KL: variants seen among roughly 807,000 people sequenced by gnomAD.
KL encodes the protein alpha-klotho.
KL carries 62 observed loss-of-function variants against 84.2 expected under a neutral mutation model. That is an observed-to-expected ratio of 0.74 (90% CI 0.60 to 0.91). The LOEUF (loss-of-function observed/expected upper bound fraction) is 0.91. Ranked by LOEUF, KL falls within the 40% of genes least tolerant of loss-of-function variation. The pLI is 0.00. For synonymous variants in KL, 528 were observed against 528.0 expected (o/e 1.00, Z 0.00); for missense variants, 1,261 against 1,305.7 (o/e 0.97, Z 0.53).
At chr13:33,025,437 C>T (rs1870734349) in intron 1 of KL, among the ~76,000 whole-genome samples, 1 of 152,158 alleles carries the variant, frequency 6.6e-6, no homozygotes, top group African/African-American at 2.4e-5. Flanking sequence ...AGGTAGTGGG[C>T]CCTGCTGCTG....
intron 1 of KL, among the ~76,000 whole-genome samples, chr13:33,020,408 A>G (rs1413459268): frequency 6.6e-6 from 1 of 151,566 alleles, no homozygotes; most frequent in African/African-American, 2.4e-5. Flanking sequence ...GTCTAGATTC[A>G]CTCCAGGCCA....
At chr13:33,033,379 G>T (rs1871041693) in intron 1 of KL, among the ~76,000 whole-genome samples, 1 of 152,120 alleles carries the variant, frequency 6.6e-6, no homozygotes, top group Admixed American at 6.5e-5. Flanking sequence ...TCGTCACAGG[G>T]GATCAAGCAG....
chr13:33,065,345 C>T lies in KL; in HGVS notation c.*1159C>T, dbSNP rs758254932. ...GAACTAGTTTTACTTTGAACTTTCA[C>T]GCTGAAACATGCTAGTGATATCTAG... On this transcript the variant is annotated 3_prime_UTR_variant, in exon 5 of 5. Coordinates refer to ENST00000380099, the MANE Select transcript of KL (RefSeq NM_004795.4). 2.8e-4 allele frequency: 58 copies of T among 207,202 alleles called. No homozygotes were observed. The highest frequency in any genetic ancestry group is 5.0e-4 in the Non-Finnish European group (51 of 101,394). The allele number at this position is 207,202 out of a possible 1,614,324, so 12.8% of individuals were successfully genotyped here. A position where few individuals can be genotyped will look rare whatever the true frequency, so the allele number is the denominator to read the frequency against.
chr13:33,039,066 G>A (rs9526992), intron 1 of KL, among the ~76,000 whole-genome samples: 26,472 of 152,046 alleles, frequency 0.17, 2,489 homozygotes, highest in African/African-American at 0.24. Context: ...TGTCTTATGT[G>A]TATTTATTTT....
Position 33,016,492 on chromosome 13 carries a change from T to A in KL, c.52T>A (p.Ser18Thr), listed in dbSNP as rs1870332472. Residue 18 changes from serine to threonine, a missense_variant, in exon 1 of 5, where the codon TCG (serine) becomes ACG (threonine). Transcript: ENST00000380099. ...RRPRPPPPSL[S>T]LLLVLLGLGG... Reference sequence around the variant, plus strand: ...CCCGCGGCCGCCGCCGCCGTCGCTGTCGCTGCTGCTGGTGCTGCTGGGCCT... The same window carrying A: ...CCCGCGGCCGCCGCCGCCGTCGCTGACGCTGCTGCTGGTGCTGCTGGGCCT... The A allele has an allele frequency of 1.7e-6, 2 of 1,201,066 alleles. No homozygotes were observed. Among genetic ancestry groups the A allele is most frequent in the Admixed American group, 4.5e-5 (1 of 22,380 alleles). The allele number at this position is 1,201,066 out of a possible 1,614,324, so 74.4% of individuals were successfully genotyped here.
chr13:33,051,333 A>G (rs1243859528), intron 1 of KL, among the ~76,000 whole-genome samples: 2 of 152,184 alleles, frequency 1.3e-5, no homozygotes. Flanking sequence ...TGAGCCCAGG[A>G]GTTTAAGACC....
intron 1 of KL, among the ~76,000 whole-genome samples, chr13:33,027,341 C>A (rs954159690): frequency 6.6e-6 from 1 of 152,180 alleles, no homozygotes; most frequent in East Asian, 1.9e-4. Context: ...CTATCTCTTA[C>A]TAGGGAAGAA....
chr13:33,060,227 G>T (rs1302090137), intron 3 of KL, among the ~76,000 whole-genome samples: 1 of 152,158 alleles, frequency 6.6e-6, no homozygotes, highest in Non-Finnish European at 1.5e-5. Context: ...TTATAGGCAT[G>T]AGCCACCGCA....
intron 1 of KL, among the ~76,000 whole-genome samples, chr13:33,048,824 A>G (rs1309226283): frequency 2.0e-5 from 3 of 152,226 alleles, no homozygotes; most frequent in Non-Finnish European, 4.4e-5. Flanking sequence ...TGTGGGGGAT[A>G]CGTATAGGCA....
chr13:33,035,414 T>A (rs1871119740), intron 1 of KL, among the ~76,000 whole-genome samples: 1 of 152,218 alleles, frequency 6.6e-6, no homozygotes, highest in African/African-American at 2.4e-5. Flanking sequence ...GAGGAAAAAC[T>A]GCTTGTCTCA....
At chr13:33,061,806 T>C in intron 4 of KL, 26 bp downstream of exon 4, 1 of 1,607,588 alleles carries the variant, frequency 6.2e-7, no homozygotes, top group Non-Finnish European at 8.5e-7. Context: ...TGCGGCTATC[T>C]CCTGAAGGTT....
upstream of KL, chr13:33,016,363 CGGTGGG>C: frequency 6.2e-6 from 1 of 160,132 alleles, no homozygotes; most frequent in Non-Finnish European, 1.3e-5. Context: ...GGCGCGCCGG[CGGTGGG>C]CGGGCGGGCG....
chr13:33,045,742 G>A (rs1871504415), intron 1 of KL, among the ~76,000 whole-genome samples: 1 of 152,150 alleles, frequency 6.6e-6, no homozygotes, highest in Non-Finnish European at 1.5e-5. Context: ...GCCTCCCAAA[G>A]TGCTGGGATT....
intron 3 of KL, among the ~76,000 whole-genome samples, chr13:33,058,501 C>T (rs867351719): frequency 3.3e-5 from 5 of 151,894 alleles, no homozygotes; most frequent in East Asian, 3.9e-4. Context: ...CCACCGCACC[C>T]GGCTAATTTT....
chr13:33,064,318 T>G lies in KL; in HGVS notation c.*132T>G, dbSNP rs1328638192. On this transcript the variant is annotated 3_prime_UTR_variant, in exon 5 of 5. Coordinates refer to ENST00000380099, the MANE Select transcript of KL (RefSeq NM_004795.4). Reference sequence around the variant, plus strand: ...GACTTCTAGAAAACATTTTTGTGGCTTATGACAGAGGTTTTGAAATGGGCA... The same window carrying G: ...GACTTCTAGAAAACATTTTTGTGGCGTATGACAGAGGTTTTGAAATGGGCA... 1.4e-6 allele frequency: 1 copy of G among 711,138 alleles called. No individual in the cohort carries two copies. The highest frequency in any genetic ancestry group is 2.7e-5 in the East Asian group (1 of 36,956). 44.1% of individuals were successfully genotyped at this position (711,138 alleles called of 1,614,324 possible).
In KL at chr13:33,064,994, C is replaced by A. The variant is rs989045838; in HGVS notation, c.*808C>A. ...TAAAGCAATTGTGAAATACAGTATA[C>A]CGCAGTGGCTCTAGGTGGAGGAAAG... On this transcript the variant is annotated 3_prime_UTR_variant, in exon 5 of 5. Coordinates refer to ENST00000380099, the MANE Select transcript of KL (RefSeq NM_004795.4). 1.3e-5 allele frequency: 3 copies of A among 227,780 alleles called. No individual in the cohort carries two copies. In the Admixed American group the frequency reaches 1.7e-4, roughly 13 times the overall value. The allele number at this position is 227,780 out of a possible 1,614,324, so 14.1% of individuals were successfully genotyped here. A position where few individuals can be genotyped will look rare whatever the true frequency, so the allele number is the denominator to read the frequency against.
At chr13:33,039,654 C>T (rs944858048) in intron 1 of KL, among the ~76,000 whole-genome samples, 1 of 152,066 alleles carries the variant, frequency 6.6e-6, no homozygotes, top group African/African-American at 2.4e-5. Context: ...GAAGATAGTA[C>T]TAAGAGTAAG....
At chr13:33,034,573 C>T (rs1871091199) in intron 1 of KL, among the ~76,000 whole-genome samples, 1 of 152,120 alleles carries the variant, frequency 6.6e-6, no homozygotes, top group Non-Finnish European at 1.5e-5. Context: ...TATCTCCTCT[C>T]CGTGGCACCC....
chr13:33,041,781 A>G (rs1871348459), intron 1 of KL, among the ~76,000 whole-genome samples: 1 of 151,926 alleles, frequency 6.6e-6, no homozygotes. Context: ...TGCTCCTTCC[A>G]CACACCCCCA....
Sources: gnomAD v4.1 joint callset for allele counts (sites outside exome capture counted in the v4.1 genomes callset) on GRCh38, gnomAD v4.1.1 for gene constraint, MANE v1.5 for transcripts, NCBI Gene and HGNC (gene_info 2026-07-23, HGNC 2026-07-21) for gene names.